Variants in CRY2 observed in about 807,000 individuals in gnomAD.
CRY2 encodes the protein cryptochrome circadian regulator 2, also known as cryptochrome-2.
A neutral mutation model predicts 69.5 loss-of-function variants in CRY2; 31 were observed. The ratio of observed to expected loss-of-function variants is 0.45; its 90% CI spans 0.34 to 0.60. CRY2 has a LOEUF of 0.60. Among genes scored for constraint, CRY2 ranks in the 20% least tolerant of loss-of-function variants. The pLI is 0.02. For synonymous variants in CRY2, 303 were observed against 312.2 expected (o/e 0.97, Z 0.31); for missense variants, 606 against 797.8 (o/e 0.76, Z 2.90).
intron 1 of CRY2, among the ~76,000 whole-genome samples, chr11:45,850,654 G>A (rs558686943): frequency 3.9e-5 from 6 of 152,218 alleles, no homozygotes; most frequent in South Asian, 2.1e-4. Context: ...ATGTGTAATC[G>A]TCCCGTGGTT....
At chr11:45,874,799 C>T (rs1303132254) in intron 11 of CRY2, among the ~76,000 whole-genome samples, 1 of 152,050 alleles carries the variant, frequency 6.6e-6, no homozygotes, top group Non-Finnish European at 1.5e-5. Context: ...AAAAATTAGC[C>T]AGGCGTGGTG....
chr11:45,863,897 C>T (rs1565059765), intron 5 of CRY2, among the ~76,000 whole-genome samples: 2 of 152,152 alleles, frequency 1.3e-5, no homozygotes, highest in Non-Finnish European at 2.9e-5. Context: ...GAGGAAGCTA[C>T]ATGATCTTTA....
In CRY2 at chr11:45,864,867, C is replaced by CA. The variant is rs940282941; in HGVS notation, c.741+2729dup. ...TGGTTGACAGAATGAGACTCTGTCT[C>CA]AAAAAAAAAAGAAAACTGAGTAGCT... On this transcript the variant is annotated intron_variant, in intron 5 of 11. Transcript: ENST00000616080. Among the ~76,000 whole-genome samples, 355 of 145,728 alleles carry CA rather than the reference C, an allele frequency of 2.4e-3. 3 individuals carry two copies. Among genetic ancestry groups the CA allele is most frequent in the African/African-American group, 7.9e-3 (315 of 39,726 alleles).
At chr11:45,867,497 C>A in intron 5 of CRY2, 115 bp from the exon 6 acceptor site, 1 of 1,371,756 alleles carries the variant, frequency 7.3e-7, no homozygotes, top group South Asian at 1.3e-5. Context: ...TGTTCCATGG[C>A]TCCATGGCTG....
In CRY2 at chr11:45,856,383, T is replaced by C; in HGVS notation, c.324+293T>C. ...TGGATGCCACTGGCTTCCTTCAATG[T>C]TTTCTTGGCTCAAGCCAGCCAGATT... is the stretch of plus-strand genomic sequence containing the variant. On this transcript the variant is annotated intron_variant, in intron 2 of 11. Transcript: ENST00000616080. 5 of 316,620 alleles carry C rather than the reference T, an allele frequency of 1.6e-5. No individual in the cohort carries two copies. In the South Asian group the frequency reaches 1.7e-4, roughly 10 times the overall value. 19.6% of individuals were successfully genotyped at this position (316,620 alleles called of 1,614,324 possible).
intron 6 of CRY2, 104 bp downstream of exon 6, chr11:45,867,856 A>G (rs1292295892): frequency 1.6e-5 from 24 of 1,499,760 alleles, no homozygotes; most frequent in African/African-American, 2.8e-5. Context: ...GGGTTGGGCT[A>G]TGGCCCCTGG....
intron 1 of CRY2, among the ~76,000 whole-genome samples, chr11:45,852,649 G>A (rs911702069): frequency 6.6e-6 from 1 of 152,184 alleles, no homozygotes; most frequent in Non-Finnish European, 1.5e-5. Flanking sequence ...AAGAAGCAGA[G>A]CATTTCTAGC....
At chr11:45,869,902 G>A in intron 7 of CRY2, 85 bp downstream of exon 7, 1 of 1,522,578 alleles carries the variant, frequency 6.6e-7, no homozygotes. Flanking sequence ...TGAGGGATGA[G>A]GTGGGATTTC....
At chr11:45,852,954 C>A (rs2086208900) in intron 1 of CRY2, among the ~76,000 whole-genome samples, 1 of 152,236 alleles carries the variant, frequency 6.6e-6, no homozygotes, top group Non-Finnish European at 1.5e-5. Flanking sequence ...AAAGATCTGG[C>A]AGCAGAGGTG....
Position 45,882,291 on chromosome 11 carries a change from A to C in CRY2, c.*1380A>C. 1.4e-5 allele frequency: 3 copies of C among 220,626 alleles called. No homozygotes were observed. The highest frequency in any genetic ancestry group is 1.5e-3 in the Middle Eastern group (1 of 660). 13.7% of individuals were successfully genotyped at this position (220,626 alleles called of 1,614,324 possible). The stretch of plus-strand genomic sequence containing the variant: ...GTGTGTGTGTGTGTGCGTGTGTGGT[A>C]CGTGTGTGTGTGTGTGGCTATGAGG... On this transcript the variant is annotated 3_prime_UTR_variant, in exon 12 of 12. Coordinates refer to ENST00000616080, the MANE Select transcript of CRY2 (RefSeq NM_021117.5).
At chr11:45,847,457 C>T (rs760305706), upstream of CRY2, 12 of 1,594,734 alleles carry the variant, frequency 7.5e-6, no homozygotes, top group South Asian at 1.1e-5. Context: ...CCTACCGGGG[C>T]GGAGCGGGGG....
intron 5 of CRY2, among the ~76,000 whole-genome samples, chr11:45,863,602 A>G (rs2086305979): frequency 6.6e-6 from 1 of 150,704 alleles, no homozygotes; most frequent in South Asian, 2.1e-4. Flanking sequence ...GCACCTACTC[A>G]TGCCAGTTTA....
chr11:45,860,311 C>G (rs2086276703), intron 3 of CRY2, among the ~76,000 whole-genome samples: 1 of 147,390 alleles, frequency 6.8e-6, no homozygotes. Flanking sequence ...GTTCAATGTT[C>G]TAATAAATGG....
intron 2 of CRY2, chr11:45,858,376 C>T: frequency 4.7e-6 from 1 of 212,292 alleles, no homozygotes; most frequent in South Asian, 9.8e-5. Flanking sequence ...TGGTCCTGTC[C>T]CACCTGTGAG....
chr11:45,872,396 G>A (rs544709012), intron 11 of CRY2, among the ~76,000 whole-genome samples, 163 bp downstream of exon 11: 1 of 151,842 alleles, frequency 6.6e-6, no homozygotes, highest in Non-Finnish European at 1.5e-5. Flanking sequence ...GTGGCAGCCG[G>A]GTTCCATCCT....
Position 45,870,406 on chromosome 11 carries a change from A to G in CRY2, c.1423A>G (p.Lys475Glu). 6.2e-7 allele frequency: 1 copy of G among 1,614,238 alleles called. No homozygotes were observed. Among genetic ancestry groups the G allele is most frequent in the Non-Finnish European group, 8.5e-7 (1 of 1,180,044 alleles). ...EPWNAPESIQ[K>E]AAKCIIGVDY... ...CTGGAATGCCCCAGAGTCAATTCAG[A>G]AGGCAGCCAAGTGCATCATTGGTGT... Residue 475 changes from lysine to glutamate, a missense_variant, in exon 9 of 12, where the codon AAG becomes GAG. Around this residue, in one of 5 missense-constraint regions of CRY2, gnomAD observed 173 missense variants for 213.7 expected, o/e 0.81. Transcript: ENST00000616080.
intron 3 of CRY2, 115 bp downstream of exon 3, chr11:45,858,988 G>T: frequency 7.7e-7 from 1 of 1,301,718 alleles, no homozygotes; most frequent in South Asian, 1.4e-5. Flanking sequence ...CAGGAGGCAT[G>T]GCATCTTCTA....
chr11:45,869,812 G>A lies in CRY2; in HGVS notation c.1189G>A (p.Val397Ile). 6.2e-7 allele frequency: 1 copy of A among 1,604,206 alleles called. No individual in the cohort carries two copies. Among genetic ancestry groups the A allele is most frequent in the Non-Finnish European group, 8.5e-7 (1 of 1,173,354 alleles). Reference sequence around the variant, plus strand: ...CCTCTGGGTCAGCTGGGAGAGCGGGGTCCGGGTGAGTGCTCTCTCAACGAA... The same window carrying A: ...CCTCTGGGTCAGCTGGGAGAGCGGGATCCGGGTGAGTGCTCTCTCAACGAA... ...GDLWVSWESG[V>I]RVFDELLLDA... is the part of the protein sequence containing the mutation. Residue 397 changes from valine (V) to isoleucine (I), a missense_variant, in exon 7 of 12, where the codon GTC (valine) becomes ATC (isoleucine). By Grantham distance (29) the Val-to-Ile change is conservative. This residue lies in a region of CRY2 where 382 missense variants were observed against 508.9 expected (regional missense o/e 0.75). Coordinates refer to ENST00000616080, the MANE Select transcript of CRY2 (RefSeq NM_021117.5).
chr11:45,850,087 G>A (rs1565054764), intron 1 of CRY2, among the ~76,000 whole-genome samples: 1 of 151,060 alleles, frequency 6.6e-6, no homozygotes, highest in Non-Finnish European at 1.5e-5. Flanking sequence ...ATAGCTCACT[G>A]CAGCCTTGAC....
Sources: allele counts gnomAD v4.1 joint callset (sites outside exome capture counted in the v4.1 genomes callset), GRCh38; gene constraint gnomAD v4.1.1; regional missense constraint gnomAD v4.1.1; transcripts MANE v1.5; gene names NCBI Gene and HGNC (gene_info 2026-07-23, HGNC 2026-07-21).